CSMD1: variants seen among roughly 807,000 people sequenced by gnomAD.
CSMD1 encodes CUB and sushi domain-containing protein 1.
CSMD1 carries 213 observed loss-of-function variants against 417.5 expected under a neutral mutation model. The observed-to-expected ratio is 0.51, with a 90% CI of 0.46 to 0.57. CSMD1 has a LOEUF of 0.57. Ranked by LOEUF, CSMD1 falls within the 20% of genes least tolerant of loss-of-function variation. CSMD1 has a pLI of 0.00. For synonymous variants in CSMD1, 2,862 were observed against 1,736.8 expected (o/e 1.65, Z -16.11); for missense variants, 6,923 against 4,529.7 (o/e 1.53, Z -15.17).
chr8:3,268,203 A>G (rs553765345), intron 26 of CSMD1, among the ~76,000 whole-genome samples: 120 of 151,504 alleles, frequency 7.9e-4, no homozygotes, highest in African/African-American at 2.7e-3. Context: ...TTGTTGCTTC[A>G]GAATGATTAC....
At chr8:3,235,805 T>G (rs562070960) in intron 26 of CSMD1, among the ~76,000 whole-genome samples, 2 of 152,178 alleles carry the variant, frequency 1.3e-5, no homozygotes, top group Admixed American at 6.5e-5. Context: ...ACAATAATAA[T>G]GCAGCATGCA....
chr8:4,582,472 A>G (rs988941774), intron 2 of CSMD1, among the ~76,000 whole-genome samples: 1 of 152,018 alleles, frequency 6.6e-6, no homozygotes, highest in Non-Finnish European at 1.5e-5. Context: ...ATACAGATCC[A>G]CTCTTTCCTC....
chr8:4,198,047 T>C (rs1050529689), intron 3 of CSMD1, among the ~76,000 whole-genome samples: 3 of 152,262 alleles, frequency 2.0e-5, no homozygotes, highest in African/African-American at 7.2e-5. Flanking sequence ...GAAGAAGTAT[T>C]TATGCTCAGC....
At chr8:4,558,578 G>C (rs1282746753) in intron 2 of CSMD1, among the ~76,000 whole-genome samples, 1 of 152,076 alleles carries the variant, frequency 6.6e-6, no homozygotes, top group Non-Finnish European at 1.5e-5. Context: ...ATAAACAATA[G>C]AGACTTTGGC....
intron 8 of CSMD1, among the ~76,000 whole-genome samples, chr8:3,613,708 C>CAG (rs1486212939): frequency 1.6e-3 from 155 of 96,406 alleles, no homozygotes; most frequent in African/African-American, 6.6e-3. Flanking sequence ...TTAAAACACA[C>CAG]ACACACACAC....
chr8:3,602,461 G>C (rs1012566859), intron 8 of CSMD1, among the ~76,000 whole-genome samples: 6 of 152,212 alleles, frequency 3.9e-5, no homozygotes, highest in Admixed American at 2.0e-4. Flanking sequence ...TCAATGCACT[G>C]GTTGGTCATT....
At chr8:4,447,285 C>A (rs529147505) in intron 2 of CSMD1, among the ~76,000 whole-genome samples, 2 of 152,216 alleles carry the variant, frequency 1.3e-5, no homozygotes, top group African/African-American at 4.8e-5. Flanking sequence ...AAATCAAAGT[C>A]TGAGGCAGAC....
chr8:3,823,209 G>T (rs574291960), intron 5 of CSMD1, among the ~76,000 whole-genome samples: 1 of 152,116 alleles, frequency 6.6e-6, no homozygotes, highest in Admixed American at 6.5e-5. Context: ...CAATATTGGT[G>T]GGTTATTAGT....
Position 4,788,173 on chromosome 8 carries a change from G to A in CSMD1, c.86-150615C>T, listed in dbSNP as rs868469580. On this transcript the variant is annotated intron_variant, in intron 1 of 69. Coordinates refer to ENST00000635120, the MANE Select transcript of CSMD1 (RefSeq NM_033225.6). ...CACTGTGAAAAAATCAAGAAGGCCT[G>A]TGGAAATTTTGGCATTCCATGTGAA... The A allele has an allele frequency of 9.3e-5, 148 of 1,597,014 alleles. No individual in the cohort carries two copies. The African/African-American group carries it at 1.8e-3, about 20-fold the overall frequency.
chr8:3,973,084 A>C (rs556218485), intron 5 of CSMD1, among the ~76,000 whole-genome samples: 15 of 152,368 alleles, frequency 9.8e-5, no homozygotes, highest in African/African-American at 3.6e-4. Context: ...GTTTTACAGA[A>C]TACCTAATTT....
chr8:4,417,906 A>G (rs75762194), intron 3 of CSMD1, among the ~76,000 whole-genome samples: 229 of 152,210 alleles, frequency 1.5e-3, no homozygotes, highest in African/African-American at 4.9e-3. Context: ...GTTTATGTGT[A>G]AAGTATTTGG....
chr8:4,493,916 C>A (rs1197370829), intron 2 of CSMD1, among the ~76,000 whole-genome samples: 2 of 152,134 alleles, frequency 1.3e-5, no homozygotes, highest in Non-Finnish European at 2.9e-5. Flanking sequence ...TAGACACTAA[C>A]AACTGACTTG....
At chr8:3,496,022 C>A (rs977966790) in intron 10 of CSMD1, among the ~76,000 whole-genome samples, 1 of 152,260 alleles carries the variant, frequency 6.6e-6, no homozygotes, top group East Asian at 1.9e-4. Context: ...GTATTAAGCC[C>A]AGCATGCATT....
chr8:3,466,683 T>C (rs1182969027), intron 12 of CSMD1, among the ~76,000 whole-genome samples: 2 of 150,902 alleles, frequency 1.3e-5, no homozygotes, highest in Non-Finnish European at 2.9e-5. Flanking sequence ...CCTGCCTTGG[T>C]CTCCCAAAGC....
At chr8:3,880,226 A>C (rs1451216961) in intron 5 of CSMD1, among the ~76,000 whole-genome samples, 3 of 152,172 alleles carry the variant, frequency 2.0e-5, no homozygotes, top group Admixed American at 6.5e-5. Flanking sequence ...TTCAGGTGCA[A>C]TTCTATATGA....
intron 2 of CSMD1, among the ~76,000 whole-genome samples, chr8:4,422,307 T>A (rs1457895603): frequency 6.6e-6 from 1 of 152,050 alleles, no homozygotes; most frequent in Non-Finnish European, 1.5e-5. Flanking sequence ...CACTACCCTT[T>A]CCCTTATGGG....
chr8:4,178,644 C>A (rs980865004), intron 3 of CSMD1, among the ~76,000 whole-genome samples: 2 of 152,030 alleles, frequency 1.3e-5, no homozygotes, highest in Non-Finnish European at 2.9e-5. Context: ...TCAAATTGTC[C>A]CTTTTTGCAG....
intron 3 of CSMD1, among the ~76,000 whole-genome samples, chr8:4,052,293 G>C (rs975188280): frequency 4.6e-5 from 7 of 152,192 alleles, no homozygotes; most frequent in African/African-American, 1.7e-4. Flanking sequence ...CAAAAGATTA[G>C]AGAAGAACGC....
chr8:3,447,401 T>C (rs1164915367), intron 12 of CSMD1, among the ~76,000 whole-genome samples: 1 of 152,158 alleles, frequency 6.6e-6, no homozygotes, highest in East Asian at 1.9e-4. Flanking sequence ...GGCTTAGGTT[T>C]TACCCAAAGA....
Sources: allele counts gnomAD v4.1 joint callset (sites outside exome capture counted in the v4.1 genomes callset), GRCh38; gene constraint gnomAD v4.1.1; transcripts MANE v1.5; gene names NCBI Gene and HGNC (gene_info 2026-07-23, HGNC 2026-07-21).